The following NOP16 variants were observed in gnomAD, a reference collection of about 807,000 sequenced individuals.
The protein encoded by NOP16 is nucleolar protein 16.
Under a neutral mutation model 22.7 loss-of-function variants are expected in NOP16, and 14 were observed. The observed-to-expected ratio is 0.62, with a 90% CI of 0.41 to 0.97. The LOEUF is 0.97. NOP16 is among the 50% of genes least tolerant of loss of function. NOP16 has a pLI of 0.00. For synonymous variants in NOP16, 80 were observed against 83.6 expected (o/e 0.96, Z 0.23); for missense variants, 198 against 235.9 (o/e 0.84, Z 1.05).
At chr5:176,386,165 T>C (rs1324077396) in intron 3 of NOP16, 1 of 156,398 alleles carries the variant, frequency 6.4e-6, no homozygotes, top group Non-Finnish European at 1.4e-5. Flanking sequence ...GTAACTTTTA[T>C]GTGTTTTTTA....
intron 3 of NOP16, chr5:176,385,867 C>CTA (rs2113585311): frequency 6.5e-6 from 1 of 152,982 alleles, no homozygotes; most frequent in Non-Finnish European, 1.5e-5. Context: ...AATGGCTTCA[C>CTA]TTTTAAAATA....
At chr5:176,386,634 G>C in intron 3 of NOP16, 2 of 669,032 alleles carry the variant, frequency 3.0e-6, no homozygotes, top group Non-Finnish European at 2.8e-6. Context: ...TCTGACCTTA[G>C]TTCACACAGT....
intron 3 of NOP16, 145 bp downstream of exon 3, chr5:176,386,695 T>C (rs1328806092): frequency 1.3e-6 from 1 of 766,244 alleles, no homozygotes. Flanking sequence ...CAGGACACAG[T>C]CCTAACTCTG....
rs141990228 is a variant in NOP16 at position 176,384,671 on chromosome 5, G to A, written c.394-297C>T. On this transcript the variant is annotated intron_variant, in intron 4 of 4. Coordinates refer to ENST00000614830, the MANE Select transcript of NOP16 (RefSeq NM_016391.8). The stretch of plus-strand genomic sequence containing the variant: ...TGTGGTCCCAGCTACTTGGGAGGCC[G>A]AGGCAGGAGGACTGTTTCAGCCCGG... 232 of 432,750 alleles carry A rather than the reference G, an allele frequency of 5.4e-4. 1 individual carries two copies. The highest frequency in any genetic ancestry group is 3.5e-3 in the African/African-American group (175 of 49,992). The allele number at this position is 432,750 out of a possible 1,614,324, so 26.8% of individuals were successfully genotyped here.
rs893323660 is a variant in NOP16 at position 176,386,712 on chromosome 5, T to C, written c.286+128A>G. 3.6e-6 allele frequency: 3 copies of C among 829,618 alleles called. No homozygotes were observed. In the African/African-American group the frequency reaches 5.0e-5, roughly 14 times the overall value. The allele number at this position is 829,618 out of a possible 1,614,324, so 51.4% of individuals were successfully genotyped here. ...GGACACAGTCCTAACTCTGTGAACT[T>C]TGAACCAGCTCACTTCTCCCCTCTG... On this transcript the variant is annotated intron_variant, in intron 3 of 4. Coordinates refer to ENST00000614830, the MANE Select transcript of NOP16 (RefSeq NM_016391.8).
chr5:176,385,398 C>A, intron 3 of NOP16, 71 bp from the exon 4 acceptor site: 1 of 890,118 alleles, frequency 1.1e-6, no homozygotes, highest in Non-Finnish European at 1.9e-6. Context: ...GCTGTCCAAT[C>A]ACCCCTTCAC....
chr5:176,384,453 C>T lies in NOP16; in HGVS notation c.394-79G>A, dbSNP rs949483539. 2.9e-6 allele frequency: 4 copies of T among 1,397,656 alleles called. No homozygotes were observed. The African/African-American group carries it at 5.7e-5, about 20-fold the overall frequency. 86.6% of individuals were successfully genotyped at this position (1,397,656 alleles called of 1,614,324 possible). A position where few individuals can be genotyped will look rare whatever the true frequency, so the allele number is the denominator to read the frequency against. ...TGAACTCATCCTGAATTAGGCAAGCCACTTGCTATCTATCCCTGAGGTCCA... is the reference window on the plus strand; with the variant it reads ...TGAACTCATCCTGAATTAGGCAAGCTACTTGCTATCTATCCCTGAGGTCCA... On this transcript the variant is annotated intron_variant, in intron 4 of 4. Transcript: ENST00000614830.
chr5:176,387,173 C>T (rs370603987), intron 2 of NOP16, among the ~76,000 whole-genome samples: 52 of 152,158 alleles, frequency 3.4e-4, no homozygotes, highest in African/African-American at 1.2e-3. Context: ...AACCTCCCCC[C>T]GGGTTCAAGT....
intron 3 of NOP16, 150 bp from the exon 4 acceptor site, chr5:176,385,477 A>G (rs1755769068): frequency 1.6e-6 from 1 of 613,040 alleles, no homozygotes; most frequent in East Asian, 2.7e-5. Context: ...TCCCAAATCC[A>G]TTGTTGGAAC....
intron 2 of NOP16, among the ~76,000 whole-genome samples, chr5:176,387,476 G>A (rs374891564): frequency 1.7e-4 from 26 of 152,298 alleles, no homozygotes; most frequent in African/African-American, 5.5e-4. Flanking sequence ...CATTGCCTTA[G>A]GCAAGTTTCT....
Position 176,384,377 on chromosome 5 carries a change from A to G in NOP16, c.394-3T>C, listed in dbSNP as rs1366285847. On this transcript the variant is annotated splice_region_variant and splice_polypyrimidine_tract_variant and intron_variant, in intron 4 of 4. Coordinates refer to ENST00000614830, the MANE Select transcript of NOP16 (RefSeq NM_016391.8). ...TTCTTCTCATCACGGGCCATGGCCT[A>G]AGAGGAGAAGGGCTACTTTAAGGAG... 2 of 1,610,106 alleles carry G rather than the reference A, an allele frequency of 1.2e-6. No homozygotes were observed. The highest frequency in any genetic ancestry group is 2.2e-5 in the South Asian group (2 of 90,560).
At position 176,384,826 on chromosome 5, in the gene NOP16, G is replaced by A. The variant is rs76876948; in HGVS notation, c.393+395C>T. 3.4e-3 allele frequency: 1,433 copies of A among 426,724 alleles called. 2 individuals carry two copies. The highest frequency in any genetic ancestry group is 5.2e-3 in the Non-Finnish European group (1,254 of 240,986). The allele number at this position is 426,724 out of a possible 1,614,324, so 26.4% of individuals were successfully genotyped here. A position where few individuals can be genotyped will look rare whatever the true frequency, so the allele number is the denominator to read the frequency against. On this transcript the variant is annotated intron_variant, in intron 4 of 4. Coordinates refer to ENST00000614830, the MANE Select transcript of NOP16 (RefSeq NM_016391.8). ...GCGGGCCAGGGAGGAGCTGGGGCCA[G>A]CTGAGGAGCTCATGACCCATCATAG...
Position 176,384,306 on chromosome 5 carries a change from G to A in NOP16, c.462C>T (p.Val154=), listed in dbSNP as rs1395756891. 6.2e-7 allele frequency: 1 copy of A among 1,614,228 alleles called. No homozygotes were observed. The highest frequency in any genetic ancestry group is 2.2e-5 in the East Asian group (1 of 44,880). ...ACTCTGCTGGGTAAAAGCGTTTATA[G>A]ACGTTGATCTTACTCCGAATCTGTT... ...TPKQIRSKIN[V]YKRFYPAEWQ... The change falls in exon 5 of 5, where the codon GTC becomes GTT. Residue 154 remains valine (V), a synonymous_variant. Transcript: ENST00000614830.
At position 176,386,890 on chromosome 5, in the gene NOP16, T is replaced by A; in HGVS notation, c.236A>T (p.Asp79Val). 1 of 1,614,094 alleles carries A rather than the reference T, an allele frequency of 6.2e-7. No homozygotes were observed. The highest frequency in any genetic ancestry group is 8.5e-7 in the Non-Finnish European group (1 of 1,179,972). The change falls in exon 3 of 5, where the codon GAC becomes GTC. Residue 79 changes from aspartate (D) to valine (V), a missense_variant. Asp to Val is a radical substitution (Grantham distance 152). Coordinates refer to ENST00000614830, the MANE Select transcript of NOP16 (RefSeq NM_016391.8). ...AAGCTCTTTAGGCCTCTCCTCTATG[T>A]CCACCTCCATGGCCTTCACCTGCAG... ...RKRKVKAMEV[D>V]IEERPKELVR...
rs566112631 is a variant in NOP16, at chr5:176,384,209, G to C, written c.*22C>G. On this transcript the variant is annotated 3_prime_UTR_variant, in exon 5 of 5. Coordinates refer to ENST00000614830, the MANE Select transcript of NOP16 (RefSeq NM_016391.8). ...CTGGTCCGGGGGACGCCTCAGCCTG[G>C]GGCAGCTGTGATGTAAACCAGTCAC... The C allele has an allele frequency of 6.2e-7, 1 of 1,614,092 alleles. No homozygotes were observed. The highest frequency in any genetic ancestry group is 1.1e-5 in the South Asian group (1 of 91,078).
At chr5:176,388,105 G>A in intron 2 of NOP16, 130 bp downstream of exon 2, 1 of 664,464 alleles carries the variant, frequency 1.5e-6, no homozygotes, top group Non-Finnish European at 2.6e-6. Flanking sequence ...TGAGCGTTCT[G>A]ACTGTGGGGA....
chr5:176,385,265 CA>C lies in NOP16; in HGVS notation c.348del (p.Ile116MetfsTer8), dbSNP rs1755746482. ...KKGNTLSRDL[I>X]DYVRYMVENH... ...TTCTCTACCATGTAGCGTACATAGT[CA>C]ATGAGGTCCCGAGACAGAGTATTTC... On this transcript the variant is annotated frameshift_variant, in exon 4 of 5. Transcript: ENST00000614830. LOFTEE classifies it high-confidence loss of function. 4 of 1,613,388 alleles carry C rather than the reference CA, an allele frequency of 2.5e-6. No individual in the cohort carries two copies. Among genetic ancestry groups the C allele is most frequent in the Non-Finnish European group, 3.4e-6 (4 of 1,179,418 alleles).
Position 176,384,267 on chromosome 5 carries a change from G to A in NOP16, c.501C>T (p.Leu167=), listed in dbSNP as rs377105294. Residue 167 remains leucine (L), a synonymous_variant, in exon 5 of 5, where the codon CTC becomes CTT. Coordinates refer to ENST00000614830, the MANE Select transcript of NOP16 (RefSeq NM_016391.8). The part of the protein sequence containing the change: ...RFYPAEWQDF[L]DSLQKRKMEV... ...CCATCTTCCTCTTCTGCAAAGAATC[G>A]AGGAAGTCTTGCCACTCTGCTGGGT... The A allele has an allele frequency of 1.3e-5, 21 of 1,614,088 alleles. No individual in the cohort carries two copies. The highest frequency in any genetic ancestry group is 4.5e-5 in the East Asian group (2 of 44,886).
At chr5:176,386,185 T>C (rs948712685) in intron 3 of NOP16, 1 of 156,052 alleles carries the variant, frequency 6.4e-6, no homozygotes, top group Admixed American at 6.2e-5. Context: ...AACCACATTT[T>C]AAAATTTTTA....
Sources: gnomAD v4.1 joint callset for allele counts (sites outside exome capture counted in the v4.1 genomes callset) on GRCh38, gnomAD v4.1.1 for gene constraint, MANE v1.5 for transcripts, NCBI Gene and HGNC (gene_info 2026-07-23, HGNC 2026-07-21) for gene names.